The following ARHGEF28 variants were observed in gnomAD, a reference collection of about 807,000 sequenced individuals.
ARHGEF28 encodes the protein Rho guanine nucleotide exchange factor 28.
In ARHGEF28, 152 loss-of-function variants were observed where a neutral mutation model predicts 206.6. That is an observed-to-expected ratio of 0.74 (90% CI 0.64 to 0.84). The LOEUF (loss-of-function observed/expected upper bound fraction) is 0.84, where lower values mean the gene tolerates loss of function less well. ARHGEF28 is among the 40% of genes least tolerant of loss of function. The pLI, the probability that ARHGEF28 is intolerant of heterozygous loss-of-function variation, is 0.00. For synonymous variants in ARHGEF28, 763 were observed against 776.4 expected (o/e 0.98, Z 0.29); for missense variants, 2,028 against 2,073.2 (o/e 0.98, Z 0.42).
chr5:73,927,274 G>C (rs982628212), intron 35 of ARHGEF28, among the ~76,000 whole-genome samples: 8 of 152,118 alleles, frequency 5.3e-5, no homozygotes, highest in African/African-American at 1.9e-4. Flanking sequence ...CTACTTGGGG[G>C]GCTGAGGCAG....
chr5:73,773,534 C>T (rs1753353518), intron 4 of ARHGEF28, among the ~76,000 whole-genome samples: 1 of 152,142 alleles, frequency 6.6e-6, no homozygotes, highest in Non-Finnish European at 1.5e-5. Context: ...AAGGATGGTC[C>T]TTTCCTAGAA....
chr5:73,716,329 C>T (rs1432525387), intron 2 of ARHGEF28, among the ~76,000 whole-genome samples: 1 of 152,152 alleles, frequency 6.6e-6, no homozygotes, highest in African/African-American at 2.4e-5. Flanking sequence ...TGTTTGGAGA[C>T]ATTCTATTCT....
At chr5:73,697,535 C>G (rs527586734) in intron 2 of ARHGEF28, among the ~76,000 whole-genome samples, 1 of 152,156 alleles carries the variant, frequency 6.6e-6, no homozygotes, top group African/African-American at 2.4e-5. Flanking sequence ...GGCCATCTCA[C>G]CTGAGGGGCT....
chr5:73,918,896 G>T (rs971687379), intron 35 of ARHGEF28, among the ~76,000 whole-genome samples: 1 of 152,198 alleles, frequency 6.6e-6, no homozygotes, highest in Non-Finnish European at 1.5e-5. Context: ...CTTGGCTGGA[G>T]CCTGCAAACT....
chr5:73,883,371 G>T (rs892732348), intron 23 of ARHGEF28, among the ~76,000 whole-genome samples: 61 of 152,272 alleles, frequency 4.0e-4, no homozygotes, highest in African/African-American at 1.3e-3. Flanking sequence ...AACTCTAAGA[G>T]TTATAATGAA....
intron 2 of ARHGEF28, among the ~76,000 whole-genome samples, chr5:73,714,321 G>C (rs1749436258): frequency 6.6e-6 from 1 of 152,198 alleles, no homozygotes; most frequent in Non-Finnish European, 1.5e-5. Flanking sequence ...GGGAATGCAA[G>C]ACTGAGCTCT....
chr5:73,830,165 C>G (rs959219874), intron 9 of ARHGEF28, among the ~76,000 whole-genome samples: 1 of 152,144 alleles, frequency 6.6e-6, no homozygotes, highest in African/African-American at 2.4e-5. Flanking sequence ...AATGTGGGCT[C>G]AGGTCAGATT....
Position 73,773,862 on chromosome 5 carries a change from T to C in ARHGEF28, c.483T>C (p.Ser161=). 6.3e-7 allele frequency: 1 copy of C among 1,598,910 alleles called. No individual in the cohort carries two copies. The highest frequency in any genetic ancestry group is 8.5e-7 in the Non-Finnish European group (1 of 1,173,182). Residue 161 remains serine, a synonymous_variant, in exon 5 of 36, where the codon TCT becomes TCC. Transcript: ENST00000513042. ...GTGTTTTTTCCTCTTCAGTATCTTCTCACAGAGAATCTCTTCTACACCTGG... is the reference window on the plus strand; with the variant it reads ...GTGTTTTTTCCTCTTCAGTATCTTCCCACAGAGAATCTCTTCTACACCTGG... ...VLGSSSLEVS[S]HRESLLHLAM...
chr5:73,667,354 G>A lies in ARHGEF28; in HGVS notation c.-11-17487G>A, dbSNP rs140138659. 9.8e-3 allele frequency among the ~76,000 whole-genome samples: 1,478 copies of A among 150,326 alleles called. 18 individuals carry two copies. The highest frequency in any genetic ancestry group is 0.014 in the Non-Finnish European group (942 of 67,320). ...ACTTGAGTCCCTTGAGCCATACCTGGTATAACTAAGGAGTGCTGCCATAGA... is the reference window on the plus strand; with the variant it reads ...ACTTGAGTCCCTTGAGCCATACCTGATATAACTAAGGAGTGCTGCCATAGA... On this transcript the variant is annotated intron_variant, in intron 1 of 35. Transcript: ENST00000513042.
At chr5:73,673,334 A>C (rs956713549) in intron 1 of ARHGEF28, among the ~76,000 whole-genome samples, 2 of 152,248 alleles carry the variant, frequency 1.3e-5, no homozygotes, top group Non-Finnish European at 2.9e-5. Context: ...CCAAATGCAG[A>C]AAGTTTCAAA....
intron 10 of ARHGEF28, chr5:73,835,079 AC>A (rs1261844353): frequency 1.3e-5 from 2 of 152,178 alleles, no homozygotes; most frequent in African/African-American, 4.8e-5. Context: ...AGCTCCACCT[AC>A]CAGCATCCAC....
At chr5:73,782,132 T>TAAAAAAAAA (rs35157852) in intron 7 of ARHGEF28, among the ~76,000 whole-genome samples, 2 of 143,232 alleles carry the variant, frequency 1.4e-5, no homozygotes, top group Non-Finnish European at 3.0e-5. Flanking sequence ...GCATGTTTGT[T>TAAAAAAAAA]AAAAAAAAAA....
intron 4 of ARHGEF28, among the ~76,000 whole-genome samples, chr5:73,770,704 T>C (rs1292647532): frequency 6.6e-6 from 1 of 152,256 alleles, no homozygotes; most frequent in Non-Finnish European, 1.5e-5. Context: ...CTCTGCACTC[T>C]GAACTTTCAT....
chr5:73,709,795 G>A (rs1421617280), intron 2 of ARHGEF28, among the ~76,000 whole-genome samples: 1 of 152,156 alleles, frequency 6.6e-6, no homozygotes, highest in Non-Finnish European at 1.5e-5. Context: ...TACTGAGTTG[G>A]TCATGACCCG....
chr5:73,824,113 C>T (rs1310837221), intron 9 of ARHGEF28, among the ~76,000 whole-genome samples: 1 of 152,188 alleles, frequency 6.6e-6, no homozygotes, highest in Non-Finnish European at 1.5e-5. Context: ...ATCTTCTTCC[C>T]AGTACCTTTA....
chr5:73,820,221 C>A (rs983393079), intron 9 of ARHGEF28, among the ~76,000 whole-genome samples: 6 of 152,094 alleles, frequency 3.9e-5, no homozygotes, highest in Non-Finnish European at 7.4e-5. Flanking sequence ...TATATTTTAG[C>A]CTAATATAGA....
rs186399289 is a variant in ARHGEF28 at position 73,812,131 on chromosome 5, A to T, written c.1024+16740A>T. Among the ~76,000 whole-genome samples, 5 of 152,276 alleles carry T rather than the reference A, an allele frequency of 3.3e-5. No individual in the cohort carries two copies. The South Asian group carries it at 8.3e-4, about 25-fold the overall frequency. On this transcript the variant is annotated intron_variant, in intron 9 of 35. Coordinates refer to ENST00000513042, the MANE Select transcript of ARHGEF28 (RefSeq NM_001177693.2). ...ATAAAAACACAGTAGTGATTTATGTAATTCTGATTTTGATTTAAATTTGAA... is the reference window on the plus strand; with the variant it reads ...ATAAAAACACAGTAGTGATTTATGTTATTCTGATTTTGATTTAAATTTGAA...
chr5:73,780,710 C>G lies in ARHGEF28; in HGVS notation c.875C>G (p.Thr292Arg). Reference protein sequence around the residue: ...FEPEARPEERTAMPSSGAETE... With the variant: ...FEPEARPEERRAMPSSGAETE... ...CCAGAAGCCAGGCCAGAGGAAAGAA[C>G]AGCTATGCCCTCCAGCGGTGCAGAA... Residue 292 changes from threonine (T) to arginine (R), a missense_variant, in exon 7 of 36, where the codon ACA becomes AGA. By Grantham distance (71) the Thr-to-Arg change is moderately conservative (BLOSUM62 -1). Around this residue, in one of 3 missense-constraint regions of ARHGEF28, gnomAD observed 1,002 missense variants for 1,015.3 expected, o/e 0.99. Coordinates refer to ENST00000513042, the MANE Select transcript of ARHGEF28 (RefSeq NM_001177693.2). The G allele has an allele frequency of 1.9e-6, 3 of 1,558,706 alleles. No individual in the cohort carries two copies. The highest frequency in any genetic ancestry group is 1.7e-4 in the Middle Eastern group (1 of 5,992).
chr5:73,780,531 C>G (rs1432823924), intron 6 of ARHGEF28, 145 bp from the exon 7 acceptor site: 1 of 767,950 alleles, frequency 1.3e-6, no homozygotes, highest in Non-Finnish European at 2.1e-6. Context: ...GCTATATGTT[C>G]TCCCAGCGGC....
Sources: allele counts gnomAD v4.1 joint callset (sites outside exome capture counted in the v4.1 genomes callset), GRCh38; gene constraint gnomAD v4.1.1; regional missense constraint gnomAD v4.1.1; transcripts MANE v1.5; gene names NCBI Gene and HGNC (gene_info 2026-07-23, HGNC 2026-07-21).